Variants in DIAPH2 observed in about 807,000 individuals in gnomAD.
DIAPH2 encodes protein diaphanous homolog 2.
Under a neutral mutation model 92.7 loss-of-function variants are expected in DIAPH2, and 35 were observed. The ratio of observed to expected loss-of-function variants is 0.38; its 90% CI spans 0.29 to 0.50. The LOEUF is 0.50. Ranked by LOEUF, DIAPH2 falls within the 20% of genes least tolerant of loss-of-function variation. The pLI is 0.94. For synonymous variants in DIAPH2, 301 were observed against 280.4 expected (o/e 1.07, Z -0.73); for missense variants, 701 against 819.5 (o/e 0.86, Z 1.77).
At chrX:97,530,482 G>A (rs866652347) in intron 26 of DIAPH2, among the ~76,000 whole-genome samples, 33 of 111,502 alleles carry the variant, frequency 3.0e-4, no homozygotes, top group African/African-American at 7.8e-4. Flanking sequence ...CTATTTGTTC[G>A]TTGATTCCTT....
chrX:97,385,185 C>G (rs747745029), intron 25 of DIAPH2, among the ~76,000 whole-genome samples: 10 of 111,453 alleles, frequency 9.0e-5, no homozygotes, highest in African/African-American at 3.2e-4. Flanking sequence ...TGCAAGCACT[C>G]TATAATATTG....
chrX:96,858,841 A>C (rs2065055708), intron 4 of DIAPH2, among the ~76,000 whole-genome samples: 1 of 112,140 alleles, frequency 8.9e-6, no homozygotes, highest in African/African-American at 3.2e-5. Flanking sequence ...AGAAACACAC[A>C]GCTGAAATGT....
chrX:96,765,291 G>A lies in DIAPH2; in HGVS notation c.447+7033G>A, dbSNP rs1028500322. Among the ~76,000 whole-genome samples the A allele has an allele frequency of 2.6e-4, 27 of 103,210 alleles. 1 individual carries two copies. Among genetic ancestry groups the A allele is most frequent in the East Asian group, 3.1e-4 (1 of 3,231 alleles). The allele number at this position is 103,210 out of a possible 115,157, so 89.6% of individuals were successfully genotyped here. On this transcript the variant is annotated intron_variant, in intron 4 of 26. Transcript: ENST00000324765. ...TGGCTCACTGCATCCTTGATCTCCC[G>A]GGCTCAAGCCATCCTCCCACCTTAG...
chrX:97,231,782 T>TA (rs1439815663), intron 22 of DIAPH2, among the ~76,000 whole-genome samples: 1 of 111,105 alleles, frequency 9.0e-6, no homozygotes, highest in Admixed American at 9.6e-5. Flanking sequence ...CACCATATGC[T>TA]AATCATACCC....
intron 22 of DIAPH2, among the ~76,000 whole-genome samples, chrX:97,159,189 CAT>C (rs1192050717): frequency 8.9e-6 from 1 of 111,868 alleles, no homozygotes; most frequent in Non-Finnish European, 1.9e-5. Context: ...AGTTGGGGTT[CAT>C]AACTCAGCTT....
At chrX:97,267,997 GA>G (rs1270748997) in intron 23 of DIAPH2, among the ~76,000 whole-genome samples, 2 of 112,004 alleles carry the variant, frequency 1.8e-5, no homozygotes, top group African/African-American at 6.5e-5. Context: ...GCCACTAAAT[GA>G]AAGGCACTTG....
chrX:97,395,378 C>T (rs892050126), intron 25 of DIAPH2, among the ~76,000 whole-genome samples: 4 of 111,877 alleles, frequency 3.6e-5, no homozygotes, highest in African/African-American at 9.8e-5. Context: ...TGAAAATGTG[C>T]AGCAGCATGT....
intron 4 of DIAPH2, among the ~76,000 whole-genome samples, chrX:96,807,421 CTT>C (rs980132815): frequency 8.9e-6 from 1 of 111,851 alleles, no homozygotes; most frequent in Non-Finnish European, 1.9e-5. Context: ...GAGGTGAAGA[CTT>C]TTGTCAGATG....
intron 21 of DIAPH2, among the ~76,000 whole-genome samples, chrX:97,123,362 A>G (rs2067070495): frequency 8.9e-6 from 1 of 111,998 alleles, no homozygotes. Flanking sequence ...ACACTTTTTC[A>G]TGTAAATCAA....
chrX:97,156,714 A>C (rs987377308), intron 22 of DIAPH2, among the ~76,000 whole-genome samples: 1 of 111,733 alleles, frequency 8.9e-6, no homozygotes, highest in Admixed American at 9.5e-5. Flanking sequence ...AATTGCAAAA[A>C]CAAGAGTAAT....
At chrX:96,981,720 C>T (rs191690909) in intron 17 of DIAPH2, among the ~76,000 whole-genome samples, 4 of 111,542 alleles carry the variant, frequency 3.6e-5, no homozygotes, top group East Asian at 5.7e-4. Context: ...GCTGTGTTTA[C>T]GACATAAACA....
chrX:96,727,419 C>T (rs2064026554), intron 1 of DIAPH2, among the ~76,000 whole-genome samples: 1 of 111,859 alleles, frequency 8.9e-6, no homozygotes, highest in Non-Finnish European at 1.9e-5. Flanking sequence ...TGCCTCTAAT[C>T]CACCCTACAT....
intron 3 of DIAPH2, among the ~76,000 whole-genome samples, chrX:96,749,145 A>AATATATATATAT (rs56745873): frequency 1.3e-5 from 1 of 79,823 alleles, no homozygotes; most frequent in African/African-American, 5.1e-5. Flanking sequence ...AAAAAAAAAA[A>AATATATATATAT]ATATATATAT....
intron 23 of DIAPH2, among the ~76,000 whole-genome samples, chrX:97,299,821 A>G (rs763188771): frequency 1.8e-5 from 2 of 112,476 alleles, no homozygotes; most frequent in South Asian, 7.3e-4. Context: ...TAGAATCTGC[A>G]TAATAAATGC....
chrX:97,319,381 T>C (rs1048736286), intron 23 of DIAPH2, among the ~76,000 whole-genome samples: 11 of 109,692 alleles, frequency 1.0e-4, no homozygotes, highest in African/African-American at 3.0e-4. Context: ...ACTTCTCATA[T>C]AAAATTCCCC....
intron 23 of DIAPH2, among the ~76,000 whole-genome samples, chrX:97,279,358 A>G (rs2068477597): frequency 9.8e-6 from 1 of 101,622 alleles, no homozygotes; most frequent in Non-Finnish European, 2.0e-5. Context: ...GCTGGAGTGC[A>G]GTGGCGCAAT....
intron 5 of DIAPH2, among the ~76,000 whole-genome samples, chrX:96,890,805 G>T (rs2065302270): frequency 8.9e-6 from 1 of 111,900 alleles, no homozygotes; most frequent in Admixed American, 9.5e-5. Context: ...ATTATTTTCT[G>T]CTAAAGCAAA....
chrX:97,115,115 CAAAT>C, intron 21 of DIAPH2, 150 bp downstream of exon 21: 1 of 491,945 alleles, frequency 2.0e-6, no homozygotes, highest in African/African-American at 2.4e-5. Flanking sequence ...TCAATTCAAA[CAAAT>C]AATTTTTTAA....
chrX:97,030,013 A>G (rs930039034), intron 17 of DIAPH2, among the ~76,000 whole-genome samples: 5 of 111,485 alleles, frequency 4.5e-5, no homozygotes, highest in Non-Finnish European at 9.4e-5. Context: ...CATCACACCA[A>G]GCACCGACCA....
Sources: allele counts gnomAD v4.1 joint callset (sites outside exome capture counted in the v4.1 genomes callset), GRCh38; gene constraint gnomAD v4.1.1; transcripts MANE v1.5; gene names NCBI Gene and HGNC (gene_info 2026-07-23, HGNC 2026-07-21).